The following MRPS11 variants were observed in gnomAD, a reference collection of about 807,000 sequenced individuals.
The protein encoded by MRPS11 is small ribosomal subunit protein uS11m.
In MRPS11, 27 loss-of-function variants were observed where a neutral mutation model predicts 24.3. The observed-to-expected ratio is 1.11, with a 90% CI of 0.82 to 1.53. The LOEUF (loss-of-function observed/expected upper bound fraction) is 1.53. Ranked by LOEUF, MRPS11 falls within the 40% of genes most tolerant of loss-of-function variation. The probability of loss-of-function intolerance (pLI) is 0.00; values close to 1 mark genes in which losing one functional copy is unlikely to be tolerated. For synonymous variants in MRPS11, 104 were observed against 98.7 expected (o/e 1.05, Z -0.32); for missense variants, 277 against 256.5 (o/e 1.08, Z -0.55).
intron 4 of MRPS11, among the ~76,000 whole-genome samples, chr15:88,476,093 A>G (rs2055817494): frequency 6.6e-6 from 1 of 152,218 alleles, no homozygotes; most frequent in Admixed American, 6.5e-5. Context: ...GACCTTTTTT[A>G]GAAGCAAATT....
At chr15:88,476,782 A>T (rs2055830942) in intron 4 of MRPS11, 3 of 580,508 alleles carry the variant, frequency 5.2e-6, no homozygotes, top group Non-Finnish European at 9.3e-6. Flanking sequence ...AACAGATCAC[A>T]GTCACGTGAA....
intron 3 of MRPS11, chr15:88,474,902 T>TA (rs562607707): frequency 3.9e-6 from 2 of 519,292 alleles, no homozygotes; most frequent in East Asian, 6.5e-5. Context: ...TTATGTGACT[T>TA]ACCAGTTTTC....
chr15:88,473,417 C>G (rs1312217322), intron 3 of MRPS11, among the ~76,000 whole-genome samples: 1 of 152,200 alleles, frequency 6.6e-6, no homozygotes, highest in Non-Finnish European at 1.5e-5. Flanking sequence ...ATTTAGAGAC[C>G]AGCACAAGAG....
chr15:88,474,812 T>C (rs1312156128), intron 3 of MRPS11, among the ~76,000 whole-genome samples: 3 of 152,208 alleles, frequency 2.0e-5, no homozygotes, highest in Non-Finnish European at 4.4e-5. Context: ...CTTTTGTGTA[T>C]ATTTAAAACT....
chr15:88,480,028 C>G lies in MRPS11; in HGVS notation c.*2049C>G, dbSNP rs915503654. 1 of 152,284 alleles carries G rather than the reference C, an allele frequency of 6.6e-6. No homozygotes were observed. The allele number at this position is 152,284 out of a possible 1,614,324, so 9.4% of individuals were successfully genotyped here. ...GAGAGGGAAGAAATGCCTGGCTGTT[C>G]CCGGCCTGTAGTCCCTTGCTGGGGT... On this transcript the variant is annotated 3_prime_UTR_variant, in exon 6 of 6. Coordinates refer to ENST00000325844, the MANE Select transcript of MRPS11 (RefSeq NM_022839.5). The surrounding 1 kb of genome is among the most constrained non-coding windows in gnomAD (Gnocchi z 5.1).
chr15:88,478,082 T>C lies in MRPS11; in HGVS notation c.*103T>C. 3.2e-6 allele frequency: 3 copies of C among 931,464 alleles called. No homozygotes were observed. Among genetic ancestry groups the C allele is most frequent in the Non-Finnish European group, 5.1e-6 (3 of 585,922 alleles). The allele number at this position is 931,464 out of a possible 1,614,324, so 57.7% of individuals were successfully genotyped here. On this transcript the variant is annotated 3_prime_UTR_variant, in exon 6 of 6. Transcript: ENST00000325844. The surrounding 1 kb of genome is among the most constrained non-coding windows in gnomAD (Gnocchi z 4.7). ...CTCTCCAGAATATGCTTGTTGGAGATCCTTCAGGCAGTAAGGGAGAGTTTT... is the reference window on the plus strand; with the variant it reads ...CTCTCCAGAATATGCTTGTTGGAGACCCTTCAGGCAGTAAGGGAGAGTTTT...
At position 88,477,114 on chromosome 15, in the gene MRPS11, T is replaced by G. The variant is rs1405273222; in HGVS notation, c.477+60T>G. Reference sequence around the variant, plus strand: ...CCTAGTAAGTGTGAGAATTTGGGGCTTGAGAGCAGAGTACAGGGAGAGTAG... The same window carrying G: ...CCTAGTAAGTGTGAGAATTTGGGGCGTGAGAGCAGAGTACAGGGAGAGTAG... On this transcript the variant is annotated intron_variant, in intron 5 of 5. Transcript: ENST00000325844. This position sits in a 1 kb window ranked among gnomAD's most constrained non-coding sequence, Gnocchi z 5.7. The G allele has an allele frequency of 6.6e-7, 1 of 1,514,390 alleles. No individual in the cohort carries two copies. Among genetic ancestry groups the G allele is most frequent in the Non-Finnish European group, 9.1e-7 (1 of 1,093,842 alleles). The allele number at this position is 1,514,390 out of a possible 1,614,324, so 93.8% of individuals were successfully genotyped here.
At chr15:88,468,329 G>C (rs2055599651) in intron 2 of MRPS11, 17 of 1,158,014 alleles carry the variant, frequency 1.5e-5, no homozygotes, top group Non-Finnish European at 1.8e-5. Flanking sequence ...GATCTTTTCA[G>C]ACCAATAACC....
intron 4 of MRPS11, among the ~76,000 whole-genome samples, chr15:88,476,352 C>A (rs2055823106): frequency 6.6e-6 from 1 of 152,138 alleles, no homozygotes; most frequent in Admixed American, 6.5e-5. Context: ...CAGACTCTGC[C>A]AAACCAGATG....
rs562290501 is a variant in MRPS11 at position 88,479,126 on chromosome 15, C to G, written c.*1147C>G. The G allele has an allele frequency of 6.6e-6, 1 of 152,254 alleles. No individual in the cohort carries two copies. The highest frequency in any genetic ancestry group is 1.9e-4 in the East Asian group (1 of 5,172). 9.4% of individuals were successfully genotyped at this position (152,254 alleles called of 1,614,324 possible). ...TGCAGAAAGCAAGTTGATAAGGAAC[C>G]TGGGTAGTGCTGGCAGTGGGGCACA... On this transcript the variant is annotated 3_prime_UTR_variant, in exon 6 of 6. Transcript: ENST00000325844.
chr15:88,469,762 G>A lies in MRPS11; in HGVS notation c.182+1738G>A, dbSNP rs1567043294. ...TGAAATAATCCAGACAAGAAACAAT[G>A]GTGGCTTGGACCATGGTTATTGCCA... On this transcript the variant is annotated intron_variant, in intron 2 of 5. Coordinates refer to ENST00000325844, the MANE Select transcript of MRPS11 (RefSeq NM_022839.5). The surrounding 1 kb of genome is among the most constrained non-coding windows in gnomAD (Gnocchi z 4.4). Among the ~76,000 whole-genome samples the A allele has an allele frequency of 6.6e-6, 1 of 152,178 alleles. No individual in the cohort carries two copies. The highest frequency in any genetic ancestry group is 1.5e-5 in the Non-Finnish European group (1 of 68,038).
rs372888234 is a variant in MRPS11 at position 88,475,123 on chromosome 15, G to T, written c.295G>T (p.Val99Leu). 6.8e-6 allele frequency: 11 copies of T among 1,614,096 alleles called. No individual in the cohort carries two copies. The African/African-American group carries it at 1.3e-4, about 20-fold the overall frequency. ...TACTTTTCTCAGCACACAGATCCAGGTAGTCTCTGCTAGTAATGAGCCCCT... is the reference window on the plus strand; with the variant it reads ...TACTTTTCTCAGCACACAGATCCAGTTAGTCTCTGCTAGTAATGAGCCCCT... The part of the protein sequence containing the change: ...KASHNNTQIQ[V>L]VSASNEPLAF... Residue 99 changes from valine to leucine, a missense_variant, in exon 4 of 6, where the codon GTA (valine) becomes TTA (leucine). Physicochemically the swap from Val to Leu is conservative, Grantham distance 32. Transcript: ENST00000325844. The surrounding 1 kb of genome is among the most constrained non-coding windows in gnomAD (Gnocchi z 4.1).
chr15:88,476,898 C>T, intron 4 of MRPS11, 91 bp from the exon 5 acceptor site: 1 of 1,336,080 alleles, frequency 7.5e-7, no homozygotes, highest in Non-Finnish European at 1.1e-6. Context: ...TTTCCCTGAG[C>T]TCACACACCC....
rs1212038465 is a variant in MRPS11 at position 88,478,991 on chromosome 15, AT to A, written c.*1013del. 183 of 146,524 alleles carry A rather than the reference AT, an allele frequency of 1.2e-3. No homozygotes were observed. The highest frequency in any genetic ancestry group is 3.9e-3 in the African/African-American group (162 of 41,098). The allele number at this position is 146,524 out of a possible 1,614,324, so 9.1% of individuals were successfully genotyped here. ...GTGACAGCGAGACTGTCTCAAAAAAATAAATAAATATAAATAAAAATTTAAA... is the reference window on the plus strand; with the variant it reads ...GTGACAGCGAGACTGTCTCAAAAAAAAAATAAATATAAATAAAAATTTAAA... On this transcript the variant is annotated 3_prime_UTR_variant, in exon 6 of 6. Coordinates refer to ENST00000325844, the MANE Select transcript of MRPS11 (RefSeq NM_022839.5). The surrounding 1 kb of genome is among the most constrained non-coding windows in gnomAD (Gnocchi z 4.7).
intron 4 of MRPS11, among the ~76,000 whole-genome samples, chr15:88,476,481 A>G (rs2055825532): frequency 1.3e-5 from 2 of 152,248 alleles, no homozygotes; most frequent in African/African-American, 2.4e-5. Context: ...CAGATCATAT[A>G]CTATGAAAAG....
chr15:88,468,748 G>A lies in MRPS11; in HGVS notation c.182+724G>A, dbSNP rs150156148. On this transcript the variant is annotated intron_variant, in intron 2 of 5. Transcript: ENST00000325844. ...CTCCTGGCCGGGTGCAGTAGCTCAT[G>A]CCTTTAATCCCAGCACTTTAGGCGG... The A allele has an allele frequency of 7.1e-3, 1,150 of 161,852 alleles. 12 individuals are homozygous for A. The highest frequency in any genetic ancestry group is 0.025 in the African/African-American group (1,044 of 41,716). The allele number at this position is 161,852 out of a possible 1,614,324, so 10.0% of individuals were successfully genotyped here.
rs866574922 is a variant in MRPS11, at chr15:88,475,745, G to A, written c.411+506G>A. 5.3e-5 allele frequency among the ~76,000 whole-genome samples: 8 copies of A among 152,100 alleles called. No homozygotes were observed. Among genetic ancestry groups the A allele is most frequent in the South Asian group, 2.1e-4 (1 of 4,822 alleles). On this transcript the variant is annotated intron_variant, in intron 4 of 5. Transcript: ENST00000325844. This position sits in a 1 kb window ranked among gnomAD's most constrained non-coding sequence, Gnocchi z 4.1. ...AGCACTTTGGGAGGCCAAGGCAGGC[G>A]TAAGAGATCGAGACCATCCTGGCCA...
At position 88,476,959 on chromosome 15, in the gene MRPS11, C is replaced by T. The variant is rs755959803; in HGVS notation, c.412-30C>T. On this transcript the variant is annotated intron_variant, in intron 4 of 5. Transcript: ENST00000325844. ...GATTTGGATGCAGTAGTTCTCTCTC[C>T]GGGGCACTAACCACTCTGCTTCTCT... is the stretch of plus-strand genomic sequence containing the variant. 37 of 1,607,114 alleles carry T rather than the reference C, an allele frequency of 2.3e-5. 1 individual carries two copies. Among genetic ancestry groups the T allele is most frequent in the South Asian group, 1.3e-4 (12 of 89,790 alleles).
chr15:88,467,835 T>C, intron 1 of MRPS11, 53 bp downstream of exon 1: 1 of 1,613,246 alleles, frequency 6.2e-7, no homozygotes, highest in African/African-American at 1.3e-5. Flanking sequence ...ACTATGCTCC[T>C]ACTCGTGTCC....
Sources: gnomAD v4.1 joint callset for allele counts (sites outside exome capture counted in the v4.1 genomes callset) on GRCh38, gnomAD v4.1.1 for gene constraint, Gnocchi (gnomAD v3.1) non-coding constraint, MANE v1.5 for transcripts, NCBI Gene and HGNC (gene_info 2026-07-23, HGNC 2026-07-21) for gene names.